SUSD6: variants seen among roughly 807,000 people sequenced by gnomAD.
SUSD6 encodes sushi domain-containing protein 6.
Under a neutral mutation model 28.4 loss-of-function variants are expected in SUSD6, and 16 were observed. The observed-to-expected ratio is 0.56, with a 90% CI of 0.38 to 0.86. The LOEUF is 0.86. Among genes scored for constraint, SUSD6 ranks in the 40% least tolerant of loss-of-function variants. The pLI is 0.00. For missense variants in SUSD6, 341 were observed against 384.2 expected, an observed-to-expected ratio of 0.89 and a Z score of 0.94; for synonymous variants, 147 against 159.6, an observed-to-expected ratio of 0.92 and a Z score of 0.59.
chr14:69,626,943 C>G (rs1191518377), intron 1 of SUSD6, among the ~76,000 whole-genome samples: 2 of 152,000 alleles, frequency 1.3e-5, no homozygotes, highest in Non-Finnish European at 1.5e-5. Context: ...CTTTGGCCTC[C>G]CAAAGTGCTG....
At chr14:69,697,041 A>G (rs763195637) in intron 2 of SUSD6, among the ~76,000 whole-genome samples, 9 of 152,172 alleles carry the variant, frequency 5.9e-5, no homozygotes, top group Non-Finnish European at 1.2e-4. Flanking sequence ...TATTCATTAG[A>G]TTTCCAGGAA....
chr14:69,618,187 A>ACC (rs1884986492), intron 1 of SUSD6, among the ~76,000 whole-genome samples: 1 of 152,154 alleles, frequency 6.6e-6, no homozygotes, highest in Non-Finnish European at 1.5e-5. Flanking sequence ...CTTTTTGAGC[A>ACC]CCCACATGAT....
At chr14:69,678,669 G>A (rs1885953256) in intron 2 of SUSD6, among the ~76,000 whole-genome samples, 1 of 152,094 alleles carries the variant, frequency 6.6e-6, no homozygotes, top group Non-Finnish European at 1.5e-5. Context: ...CAGGTGTGGT[G>A]GCACATACCT....
chr14:69,689,706 A>C (rs1156709622), intron 2 of SUSD6, among the ~76,000 whole-genome samples: 2 of 152,212 alleles, frequency 1.3e-5, no homozygotes, highest in Non-Finnish European at 2.9e-5. Context: ...TCTCGCTCTC[A>C]CCAGGCTGGA....
At chr14:69,691,758 A>C (rs1211250215) in intron 2 of SUSD6, among the ~76,000 whole-genome samples, 1 of 152,146 alleles carries the variant, frequency 6.6e-6, no homozygotes, top group Non-Finnish European at 1.5e-5. Context: ...TTGTGTTCTC[A>C]GCCAGGCTTG....
chr14:69,636,190 C>A (rs564555931), intron 1 of SUSD6, among the ~76,000 whole-genome samples: 2 of 152,354 alleles, frequency 1.3e-5, no homozygotes, highest in South Asian at 2.1e-4. Context: ...CCACTCTGCA[C>A]ACACTCTTGC....
intron 1 of SUSD6, among the ~76,000 whole-genome samples, chr14:69,640,195 G>A (rs1297650584): frequency 6.6e-6 from 1 of 151,778 alleles, no homozygotes; most frequent in Non-Finnish European, 1.5e-5. Context: ...AAAGCCCAGG[G>A]TGCTTAATGA....
intron 1 of SUSD6, among the ~76,000 whole-genome samples, chr14:69,650,087 G>T (rs1182306188): frequency 6.6e-6 from 1 of 152,190 alleles, no homozygotes; most frequent in East Asian, 1.9e-4. Flanking sequence ...TTTAGAATTT[G>T]ATGGGAAAGA....
intron 1 of SUSD6, among the ~76,000 whole-genome samples, chr14:69,646,270 A>G (rs1885424707): frequency 6.6e-6 from 1 of 152,046 alleles, no homozygotes; most frequent in African/African-American, 2.4e-5. Context: ...CCTGGTTTCC[A>G]TGTACCTTTT....
rs147936228 is a variant in SUSD6 at position 69,653,913 on chromosome 14, T to C, written c.-80-4600T>C. On this transcript the variant is annotated intron_variant, in intron 1 of 5. Coordinates refer to ENST00000342745, the MANE Select transcript of SUSD6 (RefSeq NM_014734.4). Reference sequence around the variant, plus strand: ...GGTTCTCCCATTCTGGGCAATACTTTGGAGATTTAGGGGTTAGCTTTCCTC... The same window carrying C: ...GGTTCTCCCATTCTGGGCAATACTTCGGAGATTTAGGGGTTAGCTTTCCTC... Among the ~76,000 whole-genome samples, 342 of 152,320 alleles carry C rather than the reference T, an allele frequency of 2.2e-3. 2 individuals are homozygous for C. The highest frequency in any genetic ancestry group is 0.01 in the Middle Eastern group (3 of 294).
intron 1 of SUSD6, among the ~76,000 whole-genome samples, chr14:69,627,689 C>T (rs951914486): frequency 1.3e-5 from 2 of 152,110 alleles, no homozygotes; most frequent in Non-Finnish European, 2.9e-5. Flanking sequence ...TGGTCTCGAT[C>T]TCCTGACCTC....
chr14:69,623,581 A>G (rs935214699), intron 1 of SUSD6, among the ~76,000 whole-genome samples: 2 of 152,182 alleles, frequency 1.3e-5, no homozygotes, highest in African/African-American at 4.8e-5. Flanking sequence ...CCCCAAAAAA[A>G]CAGTTAACTG....
In SUSD6 at chr14:69,658,581, G is replaced by A. The variant is rs1446866471; in HGVS notation, c.-12G>A. ...AATTTTTTCTTTTTAAAAAAACTTG[G>A]ACGGATAAAAGATGTGCCATGGCAG... On this transcript the variant is annotated 5_prime_UTR_variant, in exon 2 of 6. Coordinates refer to ENST00000342745, the MANE Select transcript of SUSD6 (RefSeq NM_014734.4). The A allele has an allele frequency of 1.9e-6, 3 of 1,613,252 alleles. No individual in the cohort carries two copies. The highest frequency in any genetic ancestry group is 2.2e-5 in the East Asian group (1 of 44,862).
At position 69,684,488 on chromosome 14, in the gene SUSD6, T is replaced by C. The variant is rs542850218; in HGVS notation, c.122-18907T>C. 7.2e-4 allele frequency among the ~76,000 whole-genome samples: 110 copies of C among 152,370 alleles called. No individual in the cohort carries two copies. The Middle Eastern group carries it at 0.014, about 19-fold the overall frequency. ...AACATGTTATGCTTATCCCAAGATCTATTAATTTCCAGTAGAAGTAGGGAG... is the reference window on the plus strand; with the variant it reads ...AACATGTTATGCTTATCCCAAGATCCATTAATTTCCAGTAGAAGTAGGGAG... On this transcript the variant is annotated intron_variant, in intron 2 of 5. Transcript: ENST00000342745.
At chr14:69,673,728 C>G (rs1885867025) in intron 2 of SUSD6, among the ~76,000 whole-genome samples, 1 of 152,128 alleles carries the variant, frequency 6.6e-6, no homozygotes, top group South Asian at 2.1e-4. Flanking sequence ...TTCTAAAAGT[C>G]TGCATTTTCG....
chr14:69,672,502 G>A (rs1885848077), intron 2 of SUSD6, among the ~76,000 whole-genome samples: 1 of 152,196 alleles, frequency 6.6e-6, no homozygotes, highest in South Asian at 2.1e-4. Flanking sequence ...GGGAAGCAGA[G>A]AGGGGGCTGG....
intron 2 of SUSD6, among the ~76,000 whole-genome samples, chr14:69,676,877 TC>T (rs1194857418): frequency 6.6e-6 from 1 of 152,250 alleles, no homozygotes; most frequent in East Asian, 1.9e-4. Flanking sequence ...TTTCATTTGT[TC>T]CTTTCCAGAG....
chr14:69,625,838 A>G (rs1396503235), intron 1 of SUSD6, among the ~76,000 whole-genome samples: 1 of 152,058 alleles, frequency 6.6e-6, no homozygotes, highest in East Asian at 1.9e-4. Context: ...CTGTGAAACC[A>G]TCTCTGCTGC....
chr14:69,680,019 T>A (rs1236008308), intron 2 of SUSD6, among the ~76,000 whole-genome samples: 10 of 152,216 alleles, frequency 6.6e-5, no homozygotes, highest in Non-Finnish European at 1.5e-4. Flanking sequence ...GAATAGGGAT[T>A]TAGCCACCTT....
Sources: allele counts gnomAD v4.1 joint callset (sites outside exome capture counted in the v4.1 genomes callset), GRCh38; gene constraint gnomAD v4.1.1; transcripts MANE v1.5; gene names NCBI Gene and HGNC (gene_info 2026-07-23, HGNC 2026-07-21).